The following SLIT3 variants were observed in gnomAD, a reference collection of about 807,000 sequenced individuals.
SLIT3 encodes the protein slit homolog 3 protein.
Under a neutral mutation model 184.0 loss-of-function variants are expected in SLIT3, and 68 were observed. That is an observed-to-expected ratio of 0.37 (90% CI 0.30 to 0.45). The LOEUF (loss-of-function observed/expected upper bound fraction) is 0.45. Among genes scored for constraint, SLIT3 ranks in the 20% least tolerant of loss-of-function variants. SLIT3 has a pLI of 1.00. For missense variants in SLIT3, 1,707 were observed against 2,026.0 expected (o/e 0.84, Z 3.02); for synonymous variants, 831 against 828.6 (o/e 1.00, Z -0.05).
chr5:169,188,035 G>T (rs1763418139), intron 4 of SLIT3, among the ~76,000 whole-genome samples: 1 of 152,160 alleles, frequency 6.6e-6, no homozygotes, highest in Non-Finnish European at 1.5e-5. Context: ...TCAGCTCACT[G>T]CAACCTCCGT....
chr5:168,926,953 A>G (rs1249994984), intron 4 of SLIT3, among the ~76,000 whole-genome samples: 1 of 152,232 alleles, frequency 6.6e-6, no homozygotes, highest in Non-Finnish European at 1.5e-5. Context: ...TTGCTTTGGA[A>G]AACAGAATGG....
At chr5:169,279,619 A>G (rs1442945383) in intron 1 of SLIT3, among the ~76,000 whole-genome samples, 1 of 152,238 alleles carries the variant, frequency 6.6e-6, no homozygotes, top group Non-Finnish European at 1.5e-5. Flanking sequence ...GTAAATAATA[A>G]TTTAATAAGC....
chr5:169,067,414 A>T (rs903482476), intron 4 of SLIT3, among the ~76,000 whole-genome samples: 1 of 152,098 alleles, frequency 6.6e-6, no homozygotes, highest in Non-Finnish European at 1.5e-5. Context: ...TCAAAAAAAA[A>T]TAAAACAACA....
At chr5:169,192,170 G>C (rs151135199) in intron 4 of SLIT3, among the ~76,000 whole-genome samples, 2 of 151,916 alleles carry the variant, frequency 1.3e-5, no homozygotes, top group African/African-American at 4.8e-5. Context: ...CATTTCCTCC[G>C]CCCCCATGCC....
Position 169,039,356 on chromosome 5 carries a change from G to A in SLIT3, c.413+154123C>T, listed in dbSNP as rs187726000. Among the ~76,000 whole-genome samples the A allele has an allele frequency of 4.7e-4, 67 of 142,400 alleles. No individual in the cohort carries two copies. The East Asian group carries it at 0.013, about 27-fold the overall frequency. 93.4% of individuals were successfully genotyped at this position (142,400 alleles called of 152,430 possible). On this transcript the variant is annotated intron_variant, in intron 4 of 35. Transcript: ENST00000519560. ...TTTTGAGATGCAGTCTTGTTCTGTC[G>A]CCCAGGCTGGAGTGCAGTGGCGCCA...
intron 4 of SLIT3, among the ~76,000 whole-genome samples, chr5:169,177,756 C>A (rs572837462): frequency 1.3e-5 from 2 of 152,320 alleles, no homozygotes; most frequent in East Asian, 1.9e-4. Context: ...GGAGACTGGA[C>A]TCCTAATGGA....
chr5:169,290,097 G>A (rs1357639274), intron 1 of SLIT3, among the ~76,000 whole-genome samples: 3 of 149,388 alleles, frequency 2.0e-5, no homozygotes, highest in African/African-American at 4.9e-5. Flanking sequence ...TAGGGCATAC[G>A]CCAGGGCACA....
In SLIT3 at chr5:169,262,408, G is replaced by A. The variant is rs529385877; in HGVS notation, c.198-10949C>T. On this transcript the variant is annotated intron_variant, in intron 1 of 35. Transcript: ENST00000519560. ...TGGTCTGAGACTAGAAGGAAAAGAA[G>A]GATCCAGTTGAAGGACAGGCTGAAG... Among the ~76,000 whole-genome samples the A allele has an allele frequency of 5.3e-5, 8 of 152,256 alleles. No homozygotes were observed. In the East Asian group the frequency reaches 1.2e-3, roughly 22 times the overall value.
chr5:169,198,470 C>T lies in SLIT3; in HGVS notation c.342-4920G>A, dbSNP rs78448539. Reference sequence around the variant, plus strand: ...GAAGCAGGCTTGCACTGCTAGAACACAGAGGTGACCTGCGAACACAAGTGA... The same window carrying T: ...GAAGCAGGCTTGCACTGCTAGAACATAGAGGTGACCTGCGAACACAAGTGA... On this transcript the variant is annotated intron_variant, in intron 3 of 35. Coordinates refer to ENST00000519560, the MANE Select transcript of SLIT3 (RefSeq NM_003062.4). Among the ~76,000 whole-genome samples the T allele has an allele frequency of 2.6e-5, 4 of 152,328 alleles. No homozygotes were observed. The East Asian group carries it at 7.7e-4, about 29-fold the overall frequency.
intron 6 of SLIT3, 96 bp from the exon 7 acceptor site, chr5:168,823,427 A>T: frequency 1.2e-6 from 1 of 842,996 alleles, no homozygotes; most frequent in Non-Finnish European, 2.1e-6. Context: ...TTGTGACCGC[A>T]AGACCATGAG....
intron 20 of SLIT3, among the ~76,000 whole-genome samples, chr5:168,729,461 A>G (rs1763231525): frequency 6.6e-6 from 1 of 152,122 alleles, no homozygotes; most frequent in African/African-American, 2.4e-5. Flanking sequence ...GAAACCTTAC[A>G]GGTTAGAAGA....
intron 14 of SLIT3, among the ~76,000 whole-genome samples, chr5:168,764,081 A>G (rs1466078026): frequency 2.0e-5 from 3 of 152,184 alleles, no homozygotes; most frequent in Non-Finnish European, 4.4e-5. Flanking sequence ...GAATCAAATA[A>G]CTGCCCTTAT....
chr5:168,775,864 C>A (rs4867905), intron 12 of SLIT3, among the ~76,000 whole-genome samples: 17 of 151,886 alleles, frequency 1.1e-4, no homozygotes, highest in African/African-American at 3.4e-4. Context: ...GAGGATGCCA[C>A]GAGGGTGACA....
intron 4 of SLIT3, among the ~76,000 whole-genome samples, chr5:169,078,331 G>A (rs900816015): frequency 5.9e-5 from 9 of 152,058 alleles, no homozygotes; most frequent in African/African-American, 7.2e-5. Flanking sequence ...GTTTCATGTC[G>A]TTTTGTACCT....
At chr5:168,788,561 C>T (rs1333962840) in intron 11 of SLIT3, among the ~76,000 whole-genome samples, 1 of 151,930 alleles carries the variant, frequency 6.6e-6, no homozygotes, top group Admixed American at 6.6e-5. Context: ...GGATAAGTTA[C>T]ATTTTAGAGT....
rs369179350 is a variant in SLIT3 at position 168,957,229 on chromosome 5, CA to C, written c.414-73894del. The stretch of plus-strand genomic sequence containing the variant: ...GGGCAACAAGAGCAAAAGTCTGTCT[CA>C]AAAAAAAAAAAAAAAATAGAGGTGG... On this transcript the variant is annotated intron_variant, in intron 4 of 35. Coordinates refer to ENST00000519560, the MANE Select transcript of SLIT3 (RefSeq NM_003062.4). 3.9e-3 allele frequency among the ~76,000 whole-genome samples: 473 copies of C among 121,392 alleles called. 4 individuals carry two copies. The highest frequency in any genetic ancestry group is 8.4e-3 in the Admixed American group (100 of 11,972). The allele number at this position is 121,392 out of a possible 152,430, so 79.6% of individuals were successfully genotyped here. A position where few individuals can be genotyped will look rare whatever the true frequency, so the allele number is the denominator to read the frequency against.
At chr5:168,689,363 T>C (rs1761841693) in intron 29 of SLIT3, among the ~76,000 whole-genome samples, 1 of 152,258 alleles carries the variant, frequency 6.6e-6, no homozygotes, top group Non-Finnish European at 1.5e-5. Context: ...GTTGGGTCTA[T>C]TGATTCTGCA....
intron 3 of SLIT3, among the ~76,000 whole-genome samples, chr5:169,225,435 C>T (rs567666134): frequency 6.6e-6 from 1 of 152,350 alleles, no homozygotes; most frequent in African/African-American, 2.4e-5. Context: ...GGACGCTGCT[C>T]ACTCTCACAG....
At chr5:169,031,025 A>G (rs1048338502) in intron 4 of SLIT3, among the ~76,000 whole-genome samples, 1 of 152,172 alleles carries the variant, frequency 6.6e-6, no homozygotes, top group East Asian at 1.9e-4. Context: ...TCCTCTCCTG[A>G]ATAGCAACTT....
Sources: allele counts gnomAD v4.1 joint callset (sites outside exome capture counted in the v4.1 genomes callset), GRCh38; gene constraint gnomAD v4.1.1; transcripts MANE v1.5; gene names NCBI Gene and HGNC (gene_info 2026-07-23, HGNC 2026-07-21).